Variants in ADD1 observed in about 807,000 individuals in gnomAD.
ADD1 encodes alpha-adducin.
A neutral mutation model predicts 80.5 loss-of-function variants in ADD1; 24 were observed. The ratio of observed to expected loss-of-function variants is 0.30; its 90% CI spans 0.22 to 0.42. The LOEUF (loss-of-function observed/expected upper bound fraction) is 0.42, where lower values mean the gene tolerates loss of function less well. Ranked by LOEUF, ADD1 falls within the 10% of genes least tolerant of loss-of-function variation. The pLI, the probability that ADD1 is intolerant of heterozygous loss-of-function variation, is 1.00. For synonymous variants in ADD1, 373 were observed against 393.8 expected (o/e 0.95, Z 0.63); for missense variants, 948 against 1,019.0 (o/e 0.93, Z 0.95).
At chr4:2,879,279 A>C (rs1324600827) in intron 2 of ADD1, among the ~76,000 whole-genome samples, 1 of 152,180 alleles carries the variant, frequency 6.6e-6, no homozygotes, top group Non-Finnish European at 1.5e-5. Context: ...TCCTTTCTGC[A>C]CTTACAGGTC....
chr4:2,874,555 C>T (rs541480483), intron 1 of ADD1, among the ~76,000 whole-genome samples: 6 of 149,170 alleles, frequency 4.0e-5, no homozygotes, highest in East Asian at 2.0e-4. Flanking sequence ...TTCAGTGAGC[C>T]GAGATCATGC....
At chr4:2,898,639 C>G in intron 8 of ADD1, 108 bp downstream of exon 8, 1 of 943,846 alleles carries the variant, frequency 1.1e-6, no homozygotes, top group Non-Finnish European at 1.7e-6. Context: ...TTTGAGCAAT[C>G]TCTTTGCCAA....
At chr4:2,885,905 C>T (rs529120937) in intron 4 of ADD1, among the ~76,000 whole-genome samples, 19 of 152,062 alleles carry the variant, frequency 1.2e-4, no homozygotes, top group South Asian at 4.2e-4. Flanking sequence ...CCACCCTGCC[C>T]GGCCCCTTCC....
intron 1 of ADD1, among the ~76,000 whole-genome samples, chr4:2,875,455 TTGCAAAACCAC>T (rs1340159865): frequency 6.6e-6 from 1 of 152,152 alleles, no homozygotes; most frequent in East Asian, 1.9e-4. Context: ...GTGGGATCCT[TTGCAAAACCAC>T]TGCTGGTACC....
At chr4:2,896,765 G>T (rs981814805) in intron 6 of ADD1, among the ~76,000 whole-genome samples, 14 of 151,810 alleles carry the variant, frequency 9.2e-5, no homozygotes, top group African/African-American at 3.4e-4. Flanking sequence ...ACGTGTTTTT[G>T]TTTGTTTTTC....
At chr4:2,848,978 A>G (rs975681717) in intron 1 of ADD1, among the ~76,000 whole-genome samples, 3 of 152,148 alleles carry the variant, frequency 2.0e-5, no homozygotes, top group Admixed American at 6.5e-5. Context: ...ATCTTTGGGC[A>G]CCTATGAAGT....
At chr4:2,873,719 A>C in intron 1 of ADD1, among the ~76,000 whole-genome samples, 1 of 152,110 alleles carries the variant, frequency 6.6e-6, no homozygotes, top group East Asian at 1.9e-4. Context: ...TTGGTCTTTT[A>C]TTGTTTTTGA....
chr4:2,908,385 C>A, intron 11 of ADD1, 130 bp from the exon 12 acceptor site: 1 of 756,916 alleles, frequency 1.3e-6, no homozygotes, highest in Non-Finnish European at 2.2e-6. Context: ...GCCATCCTGC[C>A]TGCGTGGGGC....
intron 13 of ADD1, among the ~76,000 whole-genome samples, chr4:2,909,720 A>G (rs1165135570): frequency 6.6e-6 from 1 of 152,128 alleles, no homozygotes; most frequent in Non-Finnish European, 1.5e-5. Context: ...GACTTTGGTC[A>G]GTGCGTGTTT....
rs192968159 is a variant in ADD1, at chr4:2,881,306, T to C, written c.196-592T>C. Among the ~76,000 whole-genome samples the C allele has an allele frequency of 1.8e-3, 278 of 152,220 alleles. 2 individuals carry two copies. Among genetic ancestry groups the C allele is most frequent in the Non-Finnish European group, 2.4e-4 (16 of 68,006 alleles). ...GTTGGCCAGGCTGGTCTCGAACTCC[T>C]GACCTCAGGTGATCCACCTGCCTTC... On this transcript the variant is annotated intron_variant, in intron 2 of 15. Transcript: ENST00000683351.
intron 14 of ADD1, among the ~76,000 whole-genome samples, chr4:2,920,861 A>G (rs1341164928): frequency 6.6e-6 from 1 of 152,068 alleles, no homozygotes; most frequent in South Asian, 2.1e-4. Flanking sequence ...GCTATGTGTG[A>G]ATTTGATCCT....
At chr4:2,856,479 A>G (rs1357774248) in intron 1 of ADD1, among the ~76,000 whole-genome samples, 1 of 148,516 alleles carries the variant, frequency 6.7e-6, no homozygotes, top group Non-Finnish European at 1.5e-5. Context: ...GTTTTTGTAG[A>G]TTCATGTCTT....
At chr4:2,897,418 T>TG (rs1735422744) in intron 6 of ADD1, among the ~76,000 whole-genome samples, 1 of 148,824 alleles carries the variant, frequency 6.7e-6, no homozygotes, top group African/African-American at 2.4e-5. Context: ...ATATATATAA[T>TG]TACATTATAT....
chr4:2,863,060 A>AT (rs2108832691), intron 1 of ADD1, among the ~76,000 whole-genome samples: 1 of 151,648 alleles, frequency 6.6e-6, no homozygotes, highest in African/African-American at 2.4e-5. Flanking sequence ...TGCCTATTGA[A>AT]TTTTTTTGAG....
chr4:2,929,825 CTT>C lies in ADD1; in HGVS notation c.*1303_*1304del, dbSNP rs1480491536. On this transcript the variant is annotated 3_prime_UTR_variant, in exon 16 of 16. Transcript: ENST00000683351. ...CTACGCGGGCAAGCGTGCTGCCTCT[CTT>C]CTGTGTCGTTTTGTTGCCAAGGCAG... 6.6e-6 allele frequency: 1 copy of C among 152,610 alleles called. No individual in the cohort carries two copies. Among genetic ancestry groups the C allele is most frequent in the African/African-American group, 2.4e-5 (1 of 41,484 alleles). The allele number at this position is 152,610 out of a possible 1,614,324, so 9.5% of individuals were successfully genotyped here. A position where few individuals can be genotyped will look rare whatever the true frequency, so the allele number is the denominator to read the frequency against.
intron 1 of ADD1, among the ~76,000 whole-genome samples, chr4:2,852,625 G>A (rs1727464124): frequency 6.6e-6 from 1 of 151,444 alleles, no homozygotes; most frequent in Non-Finnish European, 1.5e-5. Flanking sequence ...GACCTAGGGT[G>A]TCTGCAGCAT....
At chr4:2,870,593 T>G (rs1273604396) in intron 1 of ADD1, among the ~76,000 whole-genome samples, 1 of 152,214 alleles carries the variant, frequency 6.6e-6, no homozygotes, top group Non-Finnish European at 1.5e-5. Flanking sequence ...ACAGAGTACT[T>G]TACAGTTTTC....
chr4:2,927,353 G>A (rs1388069662), intron 15 of ADD1, among the ~76,000 whole-genome samples: 1 of 152,220 alleles, frequency 6.6e-6, no homozygotes, highest in East Asian at 1.9e-4. Context: ...GTAAAGCACT[G>A]AGAGTTTGGG....
At position 2,906,317 on chromosome 4, in the gene ADD1, C is replaced by T. The variant is rs570182976; in HGVS notation, c.1506+1209C>T. Among the ~76,000 whole-genome samples the T allele has an allele frequency of 5.1e-4, 77 of 151,910 alleles. No individual in the cohort carries two copies. The South Asian group carries it at 9.3e-3, about 18-fold the overall frequency. ...CCCTCCTTGTCTTCTTTCCCCCCTT[C>T]TTCCTGTCTCCCCTTTTCTTTCATT... On this transcript the variant is annotated intron_variant, in intron 10 of 15. Coordinates refer to ENST00000683351, the MANE Select transcript of ADD1 (RefSeq NM_001354761.2).
Sources: allele counts gnomAD v4.1 joint callset (sites outside exome capture counted in the v4.1 genomes callset), GRCh38; gene constraint gnomAD v4.1.1; transcripts MANE v1.5; gene names NCBI Gene and HGNC (gene_info 2026-07-23, HGNC 2026-07-21).